Variants in PAX7 observed in about 807,000 individuals in gnomAD.
PAX7 encodes the protein paired box 7.
In PAX7, 18 loss-of-function variants were observed where a neutral mutation model predicts 50.7. The ratio of observed to expected loss-of-function variants is 0.36; its 90% CI spans 0.25 to 0.53. The LOEUF (loss-of-function observed/expected upper bound fraction) is 0.53. Ranked by LOEUF, PAX7 falls within the 20% of genes least tolerant of loss-of-function variation. The pLI is 0.93. For missense variants in PAX7, 644 were observed against 702.9 expected, an observed-to-expected ratio of 0.92 and a Z score of 0.95; for synonymous variants, 310 against 290.4, an observed-to-expected ratio of 1.07 and a Z score of -0.69.
intron 7 of PAX7, among the ~76,000 whole-genome samples, chr1:18,716,631 A>C: frequency 7.0e-6 from 1 of 142,384 alleles, no homozygotes; most frequent in Non-Finnish European, 1.5e-5. Flanking sequence ...CGTCTCCCTG[A>C]TCGCGTCATA....
At chr1:18,720,586 G>A (rs1417085577) in intron 7 of PAX7, among the ~76,000 whole-genome samples, 5 of 152,024 alleles carry the variant, frequency 3.3e-5, no homozygotes, top group Non-Finnish European at 7.4e-5. Context: ...GAAGGGAGGT[G>A]TGTGTGGATG....
intron 4 of PAX7, among the ~76,000 whole-genome samples, chr1:18,664,886 G>A (rs760474848): frequency 1.1e-4 from 17 of 152,300 alleles, no homozygotes; most frequent in East Asian, 7.7e-4. Context: ...TCCAGGGAGC[G>A]TGCTTCTTGA....
intron 7 of PAX7, among the ~76,000 whole-genome samples, chr1:18,730,784 C>T (rs1402760250): frequency 1.3e-5 from 2 of 152,110 alleles, no homozygotes; most frequent in African/African-American, 4.8e-5. Flanking sequence ...GGAAGGGGGG[C>T]CCCCACCCCC....
intron 8 of PAX7, among the ~76,000 whole-genome samples, 165 bp from the exon 9 acceptor site, chr1:18,744,649 G>A (rs891622883): frequency 2.2e-4 from 32 of 144,984 alleles, no homozygotes; most frequent in Admixed American, 9.0e-4. Flanking sequence ...GAATGGATGA[G>A]TAGACAGGAC....
At chr1:18,724,934 GA>G (rs1325810947) in intron 7 of PAX7, among the ~76,000 whole-genome samples, 1 of 152,218 alleles carries the variant, frequency 6.6e-6, no homozygotes, top group Non-Finnish European at 1.5e-5. Flanking sequence ...TCATTTCAGA[GA>G]AGTGAAAATG....
In PAX7 at chr1:18,698,904, C is replaced by T. The variant is rs541142697; in HGVS notation, c.787-1749C>T. ...AAGGATGGCTCTAGGGGTGCATAAGCGCCCTCCACCTGGCTGCATTCCCCT... is the reference window on the plus strand; with the variant it reads ...AAGGATGGCTCTAGGGGTGCATAAGTGCCCTCCACCTGGCTGCATTCCCCT... On this transcript the variant is annotated intron_variant, in intron 5 of 8. Transcript: ENST00000420770. Among the ~76,000 whole-genome samples, 35 of 152,332 alleles carry T rather than the reference C, an allele frequency of 2.3e-4. No homozygotes were observed. The South Asian group carries it at 5.6e-3, about 24-fold the overall frequency.
chr1:18,701,479 T>C (rs2089221479), intron 6 of PAX7, among the ~76,000 whole-genome samples: 1 of 152,112 alleles, frequency 6.6e-6, no homozygotes, highest in South Asian at 2.1e-4. Context: ...TGTGTACTTG[T>C]TGGGAAGATG....
rs2089701092 is a variant in PAX7 at position 18,735,683 on chromosome 1, G to A, written c.1207G>A (p.Asp403Asn). 6.2e-7 allele frequency: 1 copy of A among 1,614,138 alleles called. No individual in the cohort carries two copies. The highest frequency in any genetic ancestry group is 8.5e-7 in the Non-Finnish European group (1 of 1,180,014). Residue 403 changes from aspartate to asparagine, a missense_variant, in exon 8 of 9, where the codon GAC becomes AAC. Coordinates refer to ENST00000420770, the MANE Select transcript of PAX7 (RefSeq NM_001135254.2). The surrounding 1 kb of genome is among the most constrained non-coding windows in gnomAD (Gnocchi z 4.0). ...PSAVPPQPQA[D>N]FSISPLHGGL... Reference sequence around the variant, plus strand: ...TGCGGTGCCCCCGCAGCCACAGGCTGACTTCTCCATCTCCCCGCTGCATGG... The same window carrying A: ...TGCGGTGCCCCCGCAGCCACAGGCTAACTTCTCCATCTCCCCGCTGCATGG...
At chr1:18,684,717 G>A (rs374437730) in intron 4 of PAX7, among the ~76,000 whole-genome samples, 4 of 152,206 alleles carry the variant, frequency 2.6e-5, no homozygotes, top group South Asian at 2.1e-4. Context: ...TGATTAAAAC[G>A]CATATCAACT....
intron 8 of PAX7, among the ~76,000 whole-genome samples, chr1:18,738,274 A>G (rs893576864): frequency 1.2e-4 from 18 of 152,170 alleles, no homozygotes; most frequent in Non-Finnish European, 1.6e-4. Flanking sequence ...GTTCCTGGGC[A>G]TGCAGCAGGA....
intron 4 of PAX7, among the ~76,000 whole-genome samples, chr1:18,649,218 A>G (rs1489371420): frequency 1.3e-5 from 2 of 152,104 alleles, no homozygotes; most frequent in African/African-American, 4.8e-5. Flanking sequence ...CGGGTACAGG[A>G]GCAAAACGGA....
At chr1:18,737,112 A>T (rs1930750997) in intron 8 of PAX7, among the ~76,000 whole-genome samples, 1 of 152,270 alleles carries the variant, frequency 6.6e-6, no homozygotes, top group Non-Finnish European at 1.5e-5. Flanking sequence ...CACAGCCTCC[A>T]CCGCCTGGCA....
chr1:18,682,886 G>A (rs1478442334), intron 4 of PAX7, among the ~76,000 whole-genome samples: 1 of 152,174 alleles, frequency 6.6e-6, no homozygotes, highest in Non-Finnish European at 1.5e-5. Context: ...AATATGCAGA[G>A]CCCCCTCCCT....
At chr1:18,692,045 C>G in intron 5 of PAX7, 92 bp downstream of exon 5, 1 of 1,230,338 alleles carries the variant, frequency 8.1e-7, no homozygotes, top group Non-Finnish European at 1.1e-6. Context: ...AATGGGACCC[C>G]TCGGGGGGTT....
chr1:18,665,790 C>G (rs1184480611), intron 4 of PAX7, among the ~76,000 whole-genome samples: 1 of 151,778 alleles, frequency 6.6e-6, no homozygotes, highest in Non-Finnish European at 1.5e-5. Context: ...CTGCCTCAGC[C>G]TCCCCAGTAG....
At chr1:18,657,790 T>C (rs1003220243) in intron 4 of PAX7, among the ~76,000 whole-genome samples, 2 of 152,124 alleles carry the variant, frequency 1.3e-5, no homozygotes, top group African/African-American at 4.8e-5. Context: ...CCCCTTCTTA[T>C]TGAGAATGCC....
At chr1:18,662,407 C>T (rs1432169550) in intron 4 of PAX7, among the ~76,000 whole-genome samples, 1 of 152,064 alleles carries the variant, frequency 6.6e-6, no homozygotes, top group African/African-American at 2.4e-5. Flanking sequence ...CTCCTTTGTT[C>T]CTTCTTTAGT....
chr1:18,651,301 T>G (rs2088426449), intron 4 of PAX7, among the ~76,000 whole-genome samples: 1 of 152,214 alleles, frequency 6.6e-6, no homozygotes, highest in South Asian at 2.1e-4. Flanking sequence ...CAAAAGCGCA[T>G]TGTCTCATCG....
intron 4 of PAX7, among the ~76,000 whole-genome samples, chr1:18,666,754 G>A (rs537682818): frequency 3.3e-5 from 5 of 152,340 alleles, no homozygotes; most frequent in African/African-American, 9.6e-5. Flanking sequence ...GTTTGGCTGC[G>A]CTCCACCTGG....
Sources: allele counts gnomAD v4.1 joint callset (sites outside exome capture counted in the v4.1 genomes callset), GRCh38; gene constraint gnomAD v4.1.1; non-coding constraint Gnocchi (gnomAD v3.1); transcripts MANE v1.5; gene names NCBI Gene and HGNC (gene_info 2026-07-23, HGNC 2026-07-21).